TTC27: variants seen among roughly 807,000 people sequenced by gnomAD.
The protein encoded by TTC27 is tetratricopeptide repeat domain 27, also known as tetratricopeptide repeat protein 27.
Under a neutral mutation model 115.9 loss-of-function variants are expected in TTC27, and 79 were observed. The ratio of observed to expected loss-of-function variants is 0.68; its 90% CI spans 0.57 to 0.82. TTC27 has a LOEUF of 0.82. TTC27 is among the 40% of genes least tolerant of loss of function. The pLI, the probability that TTC27 is intolerant of heterozygous loss-of-function variation, is 0.00. For missense variants in TTC27, 1,054 were observed against 993.1 expected (o/e 1.06, Z -0.82); for synonymous variants, 401 against 356.0 (o/e 1.13, Z -1.42).
At chr2:32,772,438 T>C (rs1206070262) in intron 13 of TTC27, among the ~76,000 whole-genome samples, 1 of 152,250 alleles carries the variant, frequency 6.6e-6, no homozygotes, top group Non-Finnish European at 1.5e-5. Context: ...TAATAACTTT[T>C]TGACTTTATG....
chr2:32,738,879 A>T (rs894583555), intron 12 of TTC27, among the ~76,000 whole-genome samples: 4 of 152,252 alleles, frequency 2.6e-5, no homozygotes, highest in Non-Finnish European at 5.9e-5. Flanking sequence ...ACTGAGATGT[A>T]TGAAGAAAGG....
intron 13 of TTC27, among the ~76,000 whole-genome samples, chr2:32,762,830 C>A (rs1175100549): frequency 6.6e-6 from 1 of 152,050 alleles, no homozygotes; most frequent in Non-Finnish European, 1.5e-5. Flanking sequence ...TTAGTAGAAA[C>A]GGGGTTTCGC....
chr2:32,802,601 T>A (rs1670990747), intron 16 of TTC27, among the ~76,000 whole-genome samples: 1 of 152,184 alleles, frequency 6.6e-6, no homozygotes, highest in Admixed American at 6.5e-5. Context: ...AGTGGACAGT[T>A]GCTGGTCCTC....
At chr2:32,654,803 C>A (rs1665257812) in intron 5 of TTC27, among the ~76,000 whole-genome samples, 1 of 150,928 alleles carries the variant, frequency 6.6e-6, no homozygotes, top group African/African-American at 2.4e-5. Context: ...TCATGAGATT[C>A]TCCTTCCTCA....
At chr2:32,639,462 A>G (rs1664555252) in intron 3 of TTC27, among the ~76,000 whole-genome samples, 1 of 151,910 alleles carries the variant, frequency 6.6e-6, no homozygotes, top group South Asian at 2.1e-4. Flanking sequence ...CATTTGATGC[A>G]TGAGACCTTG....
chr2:32,718,114 T>C (rs1332300537), intron 10 of TTC27, among the ~76,000 whole-genome samples: 1 of 152,204 alleles, frequency 6.6e-6, no homozygotes, highest in Non-Finnish European at 1.5e-5. Flanking sequence ...GTTATTTAAA[T>C]ATAAGCAATT....
intron 16 of TTC27, among the ~76,000 whole-genome samples, chr2:32,809,841 G>A (rs759885940): frequency 1.2e-4 from 19 of 152,340 alleles, no homozygotes; most frequent in African/African-American, 2.9e-4. Context: ...AAGTTAGGCC[G>A]GGCGCAGTGG....
intron 10 of TTC27, among the ~76,000 whole-genome samples, chr2:32,725,079 T>C (rs75085204): frequency 0.16 from 24,510 of 152,116 alleles, 2,551 homozygotes; most frequent in African/African-American, 0.3. Context: ...TTGCCCCACA[T>C]GATTCAGTTA....
intron 10 of TTC27, among the ~76,000 whole-genome samples, chr2:32,716,266 A>G (rs1169869498): frequency 6.6e-6 from 1 of 152,198 alleles, no homozygotes; most frequent in Non-Finnish European, 1.5e-5. Flanking sequence ...CACTCTTTTA[A>G]ATAGAAGTGC....
At chr2:32,772,787 T>A (rs1270638895) in intron 13 of TTC27, among the ~76,000 whole-genome samples, 1 of 152,208 alleles carries the variant, frequency 6.6e-6, no homozygotes. Flanking sequence ...ATTGTCAATG[T>A]CCTTATTTTG....
chr2:32,818,385 G>A (rs1671576694), intron 19 of TTC27, among the ~76,000 whole-genome samples: 1 of 152,212 alleles, frequency 6.6e-6, no homozygotes, highest in African/African-American at 2.4e-5. Context: ...ATGGATGTGA[G>A]CAAAATTGTT....
At chr2:32,678,782 C>T in intron 8 of TTC27, 74 bp from the exon 9 acceptor site, 1 of 1,190,124 alleles carries the variant, frequency 8.4e-7, no homozygotes, top group Admixed American at 2.2e-5. Context: ...GTTTACTTTG[C>T]TTTTTAAAAA....
At chr2:32,663,684 T>G (rs367850195) in intron 5 of TTC27, among the ~76,000 whole-genome samples, 334 of 144,896 alleles carry the variant, frequency 2.3e-3, no homozygotes, top group Middle Eastern at 7.2e-3. Context: ...ATGTATGTAT[T>G]TATTTATTTA....
At chr2:32,661,213 G>C (rs1665535421) in intron 5 of TTC27, among the ~76,000 whole-genome samples, 1 of 152,124 alleles carries the variant, frequency 6.6e-6, no homozygotes. Context: ...GATGCCTCCA[G>C]CTTTGTTCTT....
intron 12 of TTC27, among the ~76,000 whole-genome samples, chr2:32,756,106 A>G (rs996387082): frequency 3.9e-5 from 6 of 152,230 alleles, no homozygotes; most frequent in African/African-American, 1.2e-4. Flanking sequence ...GCCTGAAATC[A>G]TTTCTATACC....
At chr2:32,732,879 T>A (rs1668339820) in intron 10 of TTC27, among the ~76,000 whole-genome samples, 1 of 152,200 alleles carries the variant, frequency 6.6e-6, no homozygotes, top group Non-Finnish European at 1.5e-5. Flanking sequence ...AAAAGAAAAT[T>A]TGAGTACTGC....
intron 10 of TTC27, among the ~76,000 whole-genome samples, chr2:32,718,057 A>G (rs1667809725): frequency 6.6e-6 from 1 of 152,208 alleles, no homozygotes; most frequent in African/African-American, 2.4e-5. Flanking sequence ...GGCTTAATAA[A>G]TGTTAGTTGC....
Position 32,692,036 on chromosome 2 carries a change from GTTTTTTTTT to G in TTC27, c.1120-10753_1120-10745del, listed in dbSNP as rs779547700. Reference sequence around the variant, plus strand: ...GGGATATTCTTTTTTAATTTTTTAGGTTTTTTTTTTTTTTTTTTTTTTTTTTGTAGAGAC... The same window carrying G: ...GGGATATTCTTTTTTAATTTTTTAGGTTTTTTTTTTTTTTTTTGTAGAGAC... On this transcript the variant is annotated intron_variant, in intron 9 of 19. Coordinates refer to ENST00000317907, the MANE Select transcript of TTC27 (RefSeq NM_017735.5). Among the ~76,000 whole-genome samples, 161 of 61,222 alleles carry G rather than the reference GTTTTTTTTT, an allele frequency of 2.6e-3. 1 individual carries two copies. The highest frequency in any genetic ancestry group is 7.1e-3 in the African/African-American group (116 of 16,398). 40.2% of individuals were successfully genotyped at this position (61,222 alleles called of 152,430 possible). A position where few individuals can be genotyped will look rare whatever the true frequency, so the allele number is the denominator to read the frequency against.
chr2:32,675,911 C>A (rs1255404143), intron 8 of TTC27, among the ~76,000 whole-genome samples: 2 of 152,026 alleles, frequency 1.3e-5, no homozygotes, highest in African/African-American at 4.8e-5. Flanking sequence ...CTTGCCTCAG[C>A]CTCCTGAGTA....
Sources: allele counts gnomAD v4.1 joint callset (sites outside exome capture counted in the v4.1 genomes callset), GRCh38; gene constraint gnomAD v4.1.1; transcripts MANE v1.5; gene names NCBI Gene and HGNC (gene_info 2026-07-23, HGNC 2026-07-21).